Variants in BLTP1 observed in about 807,000 individuals in gnomAD.
BLTP1 encodes fragile site-associated protein.
chr4:122,336,138 G>T, the BLTP1 span: 1 of 1,431,634 alleles, frequency 7.0e-7, no homozygotes, highest in African/African-American at 1.4e-5. Flanking sequence ...TCAAATTTCT[G>T]TTTAATTGGA....
the BLTP1 span, among the ~76,000 whole-genome samples, chr4:122,229,490 T>G: frequency 4.6e-5 from 7 of 152,224 alleles, no homozygotes; most frequent in South Asian, 1.4e-3. Context: ...AATAGTAGGT[T>G]ACTTTTATGT....
the BLTP1 span, chr4:122,152,504 C>G: frequency 3.0e-6 from 3 of 985,696 alleles, no homozygotes; most frequent in Admixed American, 6.1e-5. Flanking sequence ...CTGCCGTCGC[C>G]GCCCCTGCCG....
At chr4:122,283,779 G>A in the BLTP1 span, among the ~76,000 whole-genome samples, 1 of 152,258 alleles carries the variant, frequency 6.6e-6, no homozygotes, top group African/African-American at 2.4e-5. Flanking sequence ...CAAAGTGCTG[G>A]TATTACAGGC....
the BLTP1 span, among the ~76,000 whole-genome samples, chr4:122,278,133 C>T: frequency 2.0e-5 from 3 of 151,760 alleles, no homozygotes; most frequent in Non-Finnish European, 2.9e-5. Flanking sequence ...CATTCAGTTA[C>T]GAGGGGGCTT....
At chr4:122,167,229 A>G in the BLTP1 span, among the ~76,000 whole-genome samples, 204 of 152,248 alleles carry the variant, frequency 1.3e-3, 2 homozygotes, top group Non-Finnish European at 2.2e-4. Context: ...CCATAGCTCC[A>G]GTTCTTATCT....
At chr4:122,218,464 G>T in the BLTP1 span, among the ~76,000 whole-genome samples, 4 of 152,120 alleles carry the variant, frequency 2.6e-5, no homozygotes, top group African/African-American at 9.7e-5. Context: ...CCAATTAACT[G>T]TATGACTTTA....
chr4:122,194,451 C>G, the BLTP1 span: 1 of 643,890 alleles, frequency 1.6e-6, no homozygotes, highest in Middle Eastern at 8.1e-4. Flanking sequence ...TTTTCCTCTT[C>G]TGGTAAAATT....
chr4:122,198,529 T>G, the BLTP1 span: 1 of 794,656 alleles, frequency 1.3e-6, no homozygotes, highest in Non-Finnish European at 1.5e-6. Context: ...TTATGCAGTA[T>G]TATACAAATA....
At chr4:122,301,095 T>TAA in the BLTP1 span, 2 of 816,124 alleles carry the variant, frequency 2.5e-6, no homozygotes, top group Non-Finnish European at 3.0e-6. Flanking sequence ...TAATTGAATA[T>TAA]AAAATGTTAT....
At chr4:122,258,818 A>G in the BLTP1 span, 16 of 1,611,884 alleles carry the variant, frequency 9.9e-6, no homozygotes, top group Admixed American at 6.7e-5. Context: ...ACTCATACCC[A>G]TAGTGACTCT....
At chr4:122,154,440 T>C in the BLTP1 span, 1 of 985,208 alleles carries the variant, frequency 1.0e-6, no homozygotes, top group Non-Finnish European at 1.2e-6. Context: ...TGATACCTGA[T>C]TGACAAATTA....
the BLTP1 span, chr4:122,170,528 A>T: frequency 2.2e-6 from 3 of 1,365,538 alleles, no homozygotes; most frequent in Non-Finnish European, 2.9e-6. Context: ...AACTTCGTTT[A>T]TTAAATTCAC....
the BLTP1 span, chr4:122,187,626 A>T: frequency 1.9e-6 from 2 of 1,073,250 alleles, no homozygotes; most frequent in Non-Finnish European, 2.7e-6. Context: ...AGTTTTTTTT[A>T]GTTCCCATTT....
chr4:122,331,576 T>G, the BLTP1 span: 1 of 1,588,686 alleles, frequency 6.3e-7, no homozygotes, highest in South Asian at 1.1e-5. Flanking sequence ...ACATGAAACT[T>G]TATCTATTAG....
the BLTP1 span, chr4:122,254,907 C>G: frequency 7.4e-6 from 12 of 1,613,720 alleles, no homozygotes; most frequent in Non-Finnish European, 1.0e-5. Flanking sequence ...CTGAGGGAAC[C>G]TTGAGAATTT....
the BLTP1 span, chr4:122,324,591 A>G: frequency 1.4e-6 from 2 of 1,387,362 alleles, no homozygotes; most frequent in Non-Finnish European, 9.9e-7. Flanking sequence ...CTCTTTTACC[A>G]AGGTCAACTA....
the BLTP1 span, chr4:122,347,914 AAAT>A: frequency 1.5e-5 from 10 of 656,480 alleles, no homozygotes; most frequent in East Asian, 2.4e-4. Flanking sequence ...AAAAAAAAAA[AAAT>A]CCCCAACACA....
At chr4:122,218,162 C>T in the BLTP1 span, among the ~76,000 whole-genome samples, 2 of 151,902 alleles carry the variant, frequency 1.3e-5, no homozygotes, top group African/African-American at 4.8e-5. Context: ...GTCAAAGAAC[C>T]AGCCTTTTGT....
At chr4:122,207,614 A>G in the BLTP1 span, 39 of 1,607,364 alleles carry the variant, frequency 2.4e-5, no homozygotes, top group African/African-American at 3.9e-4. Flanking sequence ...TTCCAGCTAC[A>G]TGTAATACCA....
Sources: gnomAD v4.1 joint callset for allele counts (sites outside exome capture counted in the v4.1 genomes callset) on GRCh38, gnomAD v4.1.1 for gene constraint, MANE v1.5 for transcripts, NCBI Gene and HGNC (gene_info 2026-07-23, HGNC 2026-07-21) for gene names.